Variants in BIN3 observed in about 807,000 individuals in gnomAD.
BIN3 encodes bridging integrator 3.
BIN3 carries 41 observed loss-of-function variants against 38.2 expected under a neutral mutation model. The ratio of observed to expected loss-of-function variants is 1.07; its 90% confidence interval spans 0.84 to 1.39. The LOEUF (loss-of-function observed/expected upper bound fraction) is 1.39, where lower values mean the gene tolerates loss of function less well. Ranked by LOEUF, BIN3 falls within the 40% of genes most tolerant of loss-of-function variation. The pLI, the probability that BIN3 is intolerant of heterozygous loss-of-function variation, is 0.00. For missense variants in BIN3, 361 were observed against 324.3 expected (o/e 1.11, Z -0.87); for synonymous variants, 145 against 122.6 (o/e 1.18, Z -1.21).
chr8:22,630,450 G>A lies in BIN3; in HGVS notation c.289C>T (p.Gln97Ter). The change falls in exon 5 of 9, where the codon CAG becomes TAG. Residue 97 changes from glutamine to a stop codon, truncating the protein, a stop_gained. Transcript: ENST00000276416. LOFTEE classifies it high-confidence loss of function. ...CACCAAGACCTAGTCACCTTTTCCT[G>A]ATTGAAGGCATCCATCCGCTTCATG... ...TAMKRMDAFNQEKVNQIQKTV... is the reference protein window; with the variant it reads ...TAMKRMDAFN The A allele has an allele frequency of 6.2e-7, 1 of 1,613,970 alleles. No homozygotes were observed. Among genetic ancestry groups the A allele is most frequent in the Non-Finnish European group, 8.5e-7 (1 of 1,179,862 alleles).
chr8:22,621,544 T>C lies in BIN3; in HGVS notation c.640A>G (p.Lys214Glu), dbSNP rs1563937846. The change falls in exon 9 of 9, where the codon AAG (lysine) becomes GAG (glutamate). Residue 214 changes from lysine (K) to glutamate (E), a missense_variant. Physicochemically the swap from Lys to Glu is moderately conservative, Grantham distance 56. Coordinates refer to ENST00000276416, the MANE Select transcript of BIN3 (RefSeq NM_018688.6). ...TGATGGGACAGGTCTCCAAAGATCT[T>C]GTGCATTTCCGAGTAGTACACAACC... ...AQVVYYSEMHKIFGDLSHQLD... is the reference protein window; with the variant it reads ...AQVVYYSEMHEIFGDLSHQLD... 6.2e-7 allele frequency: 1 copy of C among 1,613,836 alleles called. No individual in the cohort carries two copies. Among genetic ancestry groups the C allele is most frequent in the Admixed American group, 1.7e-5 (1 of 60,032 alleles).
chr8:22,637,031 T>C (rs1802389650), intron 2 of BIN3, 69 bp from the exon 3 acceptor site: 1 of 1,415,590 alleles, frequency 7.1e-7, no homozygotes, highest in East Asian at 2.3e-5. Flanking sequence ...CCCAGCCTCC[T>C]GAAACTCTCT....
Position 22,621,652 on chromosome 8 carries a change from A to G in BIN3, c.616-84T>C, listed in dbSNP as rs115198417. 1.4e-3 allele frequency: 1,940 copies of G among 1,392,244 alleles called. 19 individuals are homozygous for G. The African/African-American group carries it at 0.024, about 18-fold the overall frequency. The allele number at this position is 1,392,244 out of a possible 1,614,324, so 86.2% of individuals were successfully genotyped here. A position where few individuals can be genotyped will look rare whatever the true frequency, so the allele number is the denominator to read the frequency against. On this transcript the variant is annotated intron_variant, in intron 8 of 8. Coordinates refer to ENST00000276416, the MANE Select transcript of BIN3 (RefSeq NM_018688.6). ...GGCCAGAGGCTCACACTTCTCTGCT[A>G]CCCCCTGCCCTTACCCATCTGGAGC...
intron 1 of BIN3, among the ~76,000 whole-genome samples, chr8:22,656,710 A>C (rs989920590): frequency 2.6e-5 from 4 of 152,226 alleles, no homozygotes. Flanking sequence ...GTAAGAAAAT[A>C]TCTTTCTGTT....
chr8:22,624,891 G>C (rs1801958159), intron 6 of BIN3: 1 of 218,236 alleles, frequency 4.6e-6, no homozygotes, highest in Admixed American at 5.0e-5. Flanking sequence ...GAGAACACAG[G>C]TGTCCACATT....
intron 1 of BIN3, among the ~76,000 whole-genome samples, chr8:22,659,916 C>T (rs939100453): frequency 2.0e-5 from 3 of 152,226 alleles, no homozygotes; most frequent in South Asian, 2.1e-4. Context: ...ATTTTGATGA[C>T]GACGACCAAC....
intron 2 of BIN3, among the ~76,000 whole-genome samples, chr8:22,637,768 A>G (rs1802420399): frequency 6.6e-6 from 1 of 152,192 alleles, no homozygotes; most frequent in African/African-American, 2.4e-5. Flanking sequence ...AGACTAAGCT[A>G]GAGGCCTGCC....
intron 1 of BIN3, among the ~76,000 whole-genome samples, chr8:22,656,622 A>G (rs1359798694): frequency 6.6e-6 from 1 of 152,208 alleles, no homozygotes; most frequent in Non-Finnish European, 1.5e-5. Flanking sequence ...GACTTTGGTA[A>G]GAATGCTTTA....
chr8:22,640,304 C>A (rs181017342), intron 2 of BIN3, among the ~76,000 whole-genome samples: 3 of 151,970 alleles, frequency 2.0e-5, no homozygotes, highest in African/African-American at 4.8e-5. Flanking sequence ...CAGCCTCCCA[C>A]GTACAGCTGG....
At chr8:22,662,606 G>C (rs1803269669) in intron 1 of BIN3, among the ~76,000 whole-genome samples, 1 of 152,164 alleles carries the variant, frequency 6.6e-6, no homozygotes, top group African/African-American at 2.4e-5. Flanking sequence ...ATCTTCAGTT[G>C]CTGGAGTCAA....
At chr8:22,655,193 C>T (rs993629244) in intron 1 of BIN3, among the ~76,000 whole-genome samples, 2 of 152,148 alleles carry the variant, frequency 1.3e-5, no homozygotes, top group African/African-American at 4.8e-5. Flanking sequence ...TGGGTATTAG[C>T]CCATAATCAG....
At chr8:22,634,753 T>G (rs895726560) in intron 4 of BIN3, among the ~76,000 whole-genome samples, 4 of 151,368 alleles carry the variant, frequency 2.6e-5, no homozygotes, top group African/African-American at 9.7e-5. Flanking sequence ...GGTTCCGGAG[T>G]GGGGGCTGTT....
chr8:22,621,307 A>G lies in BIN3; in HGVS notation c.*115T>C. On this transcript the variant is annotated 3_prime_UTR_variant, in exon 9 of 9. Coordinates refer to ENST00000276416, the MANE Select transcript of BIN3 (RefSeq NM_018688.6). ...GAGTCATTCATTGCAAAGGGCCGGC[A>G]AGTGAACCAGGGCCACCTCTGTCCC... 7.3e-7 allele frequency: 1 copy of G among 1,374,296 alleles called. No homozygotes were observed. The allele number at this position is 1,374,296 out of a possible 1,614,324, so 85.1% of individuals were successfully genotyped here.
chr8:22,634,996 T>G (rs1802324182), intron 4 of BIN3, among the ~76,000 whole-genome samples: 1 of 152,172 alleles, frequency 6.6e-6, no homozygotes, highest in South Asian at 2.1e-4. Flanking sequence ...TAACATGGCA[T>G]TATTCAGCAG....
intron 2 of BIN3, among the ~76,000 whole-genome samples, chr8:22,641,502 C>T (rs1483656643): frequency 6.6e-6 from 1 of 152,192 alleles, no homozygotes; most frequent in Non-Finnish European, 1.5e-5. Flanking sequence ...GGGCACTGAT[C>T]CCAGGGCTGA....
At position 22,651,736 on chromosome 8, in the gene BIN3, G is replaced by A. The variant is rs117869558; in HGVS notation, c.9-6933C>T. 1.7e-3 allele frequency among the ~76,000 whole-genome samples: 261 copies of A among 152,182 alleles called. 1 individual carries two copies. Among genetic ancestry groups the A allele is most frequent in the Admixed American group, 5.0e-3 (76 of 15,270 alleles). Reference sequence around the variant, plus strand: ...TTTATTTTCTTACACAATCTTATAGGAATATATGTTTGTCACGGTGTTGTA... The same window carrying A: ...TTTATTTTCTTACACAATCTTATAGAAATATATGTTTGTCACGGTGTTGTA... On this transcript the variant is annotated intron_variant, in intron 1 of 8. Transcript: ENST00000276416.
rs753641641 is a variant in BIN3, at chr8:22,623,896, G to C, written c.615+19C>G. On this transcript the variant is annotated intron_variant, in intron 8 of 8. Transcript: ENST00000276416. Reference sequence around the variant, plus strand: ...GCTGTGTATACCAAGCCCAGGGGAAGAGCACCTGGCGGCCTCACCTGAGCT... The same window carrying C: ...GCTGTGTATACCAAGCCCAGGGGAACAGCACCTGGCGGCCTCACCTGAGCT... The C allele has an allele frequency of 2.5e-6, 4 of 1,609,760 alleles. No homozygotes were observed. Among genetic ancestry groups the C allele is most frequent in the Non-Finnish European group, 3.4e-6 (4 of 1,178,498 alleles).
In BIN3 at chr8:22,621,067, T is replaced by TC; in HGVS notation, c.*354_*355insG. 1 of 200,802 alleles carries TC rather than the reference T, an allele frequency of 5.0e-6. No individual in the cohort carries two copies. The highest frequency in any genetic ancestry group is 1.3e-4 in the East Asian group (1 of 7,690). 12.4% of individuals were successfully genotyped at this position (200,802 alleles called of 1,614,324 possible). A position where few individuals can be genotyped will look rare whatever the true frequency, so the allele number is the denominator to read the frequency against. Reference sequence around the variant, plus strand: ...ATGGGTCTTTTGGAGGTAGATTTGATGCCCACAACGCATGCAAGGCTAAGA... The same window carrying TC: ...ATGGGTCTTTTGGAGGTAGATTTGATCGCCCACAACGCATGCAAGGCTAAGA... On this transcript the variant is annotated 3_prime_UTR_variant, in exon 9 of 9. Coordinates refer to ENST00000276416, the MANE Select transcript of BIN3 (RefSeq NM_018688.6).
intron 1 of BIN3, among the ~76,000 whole-genome samples, chr8:22,663,042 C>G (rs771062571): frequency 6.6e-6 from 1 of 152,200 alleles, no homozygotes; most frequent in African/African-American, 2.4e-5. Flanking sequence ...TCGCTTCAAC[C>G]CGGGAAGTAG....
Sources: allele counts gnomAD v4.1 joint callset (sites outside exome capture counted in the v4.1 genomes callset), GRCh38; gene constraint gnomAD v4.1.1; transcripts MANE v1.5; gene names NCBI Gene and HGNC (gene_info 2026-07-23, HGNC 2026-07-21).